The following IQCK variants were observed in gnomAD, a reference collection of about 807,000 sequenced individuals.
IQCK encodes IQ domain-containing protein K.
Under a neutral mutation model 28.1 loss-of-function variants are expected in IQCK, and 29 were observed. The observed-to-expected ratio is 1.03, with a 90% CI of 0.77 to 1.41. The LOEUF is 1.41. Among genes scored for constraint, IQCK ranks in the 40% most tolerant of loss-of-function variants. The probability of loss-of-function intolerance (pLI) is 0.00; values close to 1 mark genes in which losing one functional copy is unlikely to be tolerated. For synonymous variants in IQCK, 113 were observed against 115.1 expected (o/e 0.98, Z 0.12); for missense variants, 359 against 314.7 (o/e 1.14, Z -1.07).
intron 7 of IQCK, among the ~76,000 whole-genome samples, chr16:19,793,656 T>C (rs536053975): frequency 7.7e-6 from 1 of 130,120 alleles, no homozygotes; most frequent in East Asian, 2.1e-4. Flanking sequence ...TTTTTTTTTT[T>C]TTTTTTTTTT....
intron 9 of IQCK, among the ~76,000 whole-genome samples, chr16:19,835,587 C>CTTTTCTTT (rs2056284893): frequency 7.2e-6 from 1 of 138,940 alleles, no homozygotes; most frequent in African/African-American, 2.7e-5. Flanking sequence ...CTTTTCTTTT[C>CTTTTCTTT]TTTTTTTTTT....
At chr16:19,812,845 G>T (rs1057003364) in intron 7 of IQCK, among the ~76,000 whole-genome samples, 6 of 152,162 alleles carry the variant, frequency 3.9e-5, no homozygotes, top group Admixed American at 2.6e-4. Flanking sequence ...AAAAAGGTAG[G>T]GGGGGAAATT....
intron 1 of IQCK, 136 bp downstream of exon 1, chr16:19,718,623 C>A: frequency 1.3e-6 from 1 of 745,960 alleles, no homozygotes; most frequent in Non-Finnish European, 1.9e-6. Context: ...CCGGGCTCCG[C>A]ATTTTACGCA....
At chr16:19,751,992 A>G (rs1250248468) in intron 4 of IQCK, among the ~76,000 whole-genome samples, 3 of 152,228 alleles carry the variant, frequency 2.0e-5, no homozygotes, top group Non-Finnish European at 4.4e-5. Context: ...AATTGTTAAA[A>G]TAGAACTTCA....
At chr16:19,776,376 G>T (rs1008306895) in intron 6 of IQCK, among the ~76,000 whole-genome samples, 1 of 152,078 alleles carries the variant, frequency 6.6e-6, no homozygotes, top group Non-Finnish European at 1.5e-5. Flanking sequence ...GATCAGTACT[G>T]AGACTGGGAG....
chr16:19,774,627 G>A (rs1479575397), intron 6 of IQCK, among the ~76,000 whole-genome samples: 1 of 152,072 alleles, frequency 6.6e-6, no homozygotes, highest in Non-Finnish European at 1.5e-5. Flanking sequence ...GCCTTCCAAA[G>A]TGCTGGGATT....
At chr16:19,856,546 T>C in exon 10 of IQCK, 8 of 1,613,494 alleles carry the variant, frequency 5.0e-6, no homozygotes, top group Non-Finnish European at 6.8e-6. Context: ...TCCATCATCT[T>C]AACCATAGCT....
Position 19,744,617 on chromosome 16 carries a change from A to C in IQCK, c.474+9167A>C, listed in dbSNP as rs150386050. ...CAAGACCTCCACATTTCATGATACG[A>C]ATTTAACAAGTGAAATAGATTTATT... On this transcript the variant is annotated intron_variant, in intron 4 of 7. Transcript: ENST00000564186. Among the ~76,000 whole-genome samples, 617 of 152,330 alleles carry C rather than the reference A, an allele frequency of 4.1e-3. 3 individuals carry two copies. The highest frequency in any genetic ancestry group is 0.014 in the African/African-American group (567 of 41,584).
intron 1 of IQCK, among the ~76,000 whole-genome samples, chr16:19,727,891 G>A (rs972844050): frequency 3.3e-5 from 5 of 152,064 alleles, no homozygotes; most frequent in Admixed American, 2.6e-4. Flanking sequence ...GGTATGGTAG[G>A]CGGAATTCTA....
At chr16:19,734,146 A>G (rs769730378) in intron 3 of IQCK, 17 of 207,154 alleles carry the variant, frequency 8.2e-5, no homozygotes, top group Non-Finnish European at 1.5e-4. Flanking sequence ...AGACCAAGGC[A>G]GGAGGATTGC....
intron 9 of IQCK, among the ~76,000 whole-genome samples, 197 bp from the exon 9 acceptor site, chr16:19,856,290 T>C (rs1195812602): frequency 6.6e-6 from 1 of 152,244 alleles, no homozygotes; most frequent in East Asian, 1.9e-4. Context: ...GGTTTTGAAC[T>C]TTCAGGTGCT....
chr16:19,823,111 G>A lies in IQCK; in HGVS notation c.691-3915G>A, dbSNP rs1429445112. 2.6e-5 allele frequency among the ~76,000 whole-genome samples: 4 copies of A among 152,066 alleles called. No homozygotes were observed. The South Asian group carries it at 6.2e-4, about 24-fold the overall frequency. On this transcript the variant is annotated intron_variant, in intron 7 of 7. Transcript: ENST00000564186. ...AAGATGGTGGATGTGTGGGTAACTC[G>A]AGCAAGTTGAAACTTGGGAGCCCAG...
chr16:19,720,678 C>G (rs967372203), intron 1 of IQCK, among the ~76,000 whole-genome samples: 4 of 152,174 alleles, frequency 2.6e-5, no homozygotes, highest in African/African-American at 7.2e-5. Context: ...GGTTTTGGTT[C>G]TCTCTGAAGA....
At chr16:19,750,553 C>G (rs968811871) in intron 4 of IQCK, among the ~76,000 whole-genome samples, 2 of 151,666 alleles carry the variant, frequency 1.3e-5, no homozygotes, top group African/African-American at 4.8e-5. Flanking sequence ...CCTCCAACTC[C>G]CGGATTCAAG....
intron 6 of IQCK, among the ~76,000 whole-genome samples, chr16:19,768,916 G>A (rs1227730677): frequency 2.0e-5 from 3 of 152,116 alleles, no homozygotes; most frequent in South Asian, 2.1e-4. Context: ...TTTGGTAGCC[G>A]CTTAGCTGGG....
chr16:19,781,504 C>A (rs1175117021), intron 6 of IQCK, among the ~76,000 whole-genome samples: 2 of 152,160 alleles, frequency 1.3e-5, no homozygotes, highest in Non-Finnish European at 2.9e-5. Flanking sequence ...ACCATGATTT[C>A]TAAATATGCT....
chr16:19,736,121 TC>T (rs1217927351), intron 4 of IQCK: 2 of 455,862 alleles, frequency 4.4e-6, no homozygotes, highest in Admixed American at 4.7e-5. Flanking sequence ...GATTGATTGT[TC>T]CCCCTGGCAT....
At position 19,731,674 on chromosome 16, in the gene IQCK, A is replaced by G. The variant is rs369082794; in HGVS notation, c.246+1180A>G. Among the ~76,000 whole-genome samples, 7 of 152,208 alleles carry G rather than the reference A, an allele frequency of 4.6e-5. No homozygotes were observed. In the East Asian group the frequency reaches 5.8e-4, roughly 13 times the overall value. The stretch of plus-strand genomic sequence containing the variant: ...TTAATGGTCTTCAGTGGATTTTTCT[A>G]TATAGCTGGTATATTAGGGTTCTCC... On this transcript the variant is annotated intron_variant, in intron 2 of 7. Transcript: ENST00000564186.
intron 7 of IQCK, among the ~76,000 whole-genome samples, chr16:19,808,483 G>T (rs774938416): frequency 6.6e-6 from 1 of 152,098 alleles, no homozygotes; most frequent in Non-Finnish European, 1.5e-5. Flanking sequence ...GTGCCACCCT[G>T]CCTCTCTTGC....
Sources: gnomAD v4.1 joint callset for allele counts (sites outside exome capture counted in the v4.1 genomes callset) on GRCh38, gnomAD v4.1.1 for gene constraint, MANE v1.5 for transcripts, NCBI Gene and HGNC (gene_info 2026-07-23, HGNC 2026-07-21) for gene names.